The following BMP1 variants were observed in gnomAD, a reference collection of about 807,000 sequenced individuals.
BMP1 encodes the protein mammalian tolloid protein.
BMP1 carries 63 observed loss-of-function variants against 116.8 expected under a neutral mutation model. That is an observed-to-expected ratio of 0.54 (90% CI 0.44 to 0.67). The LOEUF (loss-of-function observed/expected upper bound fraction) is 0.67, where lower values mean the gene tolerates loss of function less well. Among genes scored for constraint, BMP1 ranks in the 30% least tolerant of loss-of-function variants. The pLI is 0.00. For synonymous variants in BMP1, 536 were observed against 533.4 expected (o/e 1.00, Z -0.07); for missense variants, 1,183 against 1,358.9 (o/e 0.87, Z 2.04).
At chr8:22,180,964 G>A (rs985154582) in intron 8 of BMP1, among the ~76,000 whole-genome samples, 9 of 152,182 alleles carry the variant, frequency 5.9e-5, no homozygotes, top group Non-Finnish European at 1.2e-4. Flanking sequence ...TCTCATCAGG[G>A]CTTGGGCCAG....
intron 6 of BMP1, 94 bp downstream of exon 6, chr8:22,178,051 T>C: frequency 2.8e-6 from 3 of 1,087,574 alleles, no homozygotes; most frequent in Non-Finnish European, 4.0e-6. Context: ...TCTGGGGCAG[T>C]GACCCAGGAA....
intron 8 of BMP1, among the ~76,000 whole-genome samples, chr8:22,183,309 G>A (rs750443081): frequency 2.0e-5 from 3 of 152,154 alleles, no homozygotes; most frequent in Non-Finnish European, 4.4e-5. Context: ...CCAGCTACTC[G>A]GGAGGCTGAG....
At chr8:22,199,376 G>T in intron 15 of BMP1, 2 of 1,293,202 alleles carry the variant, frequency 1.5e-6, no homozygotes, top group Non-Finnish European at 2.0e-6. Context: ...CGGGGCATTT[G>T]GGCACTGTAG....
chr8:22,204,086 A>T (rs1215506307), intron 16 of BMP1, among the ~76,000 whole-genome samples: 1 of 152,150 alleles, frequency 6.6e-6, no homozygotes, highest in Non-Finnish European at 1.5e-5. Context: ...TCTGTAGGGG[A>T]TTCAAGACAG....
At chr8:22,197,469 G>C (rs749510872) in intron 15 of BMP1, 49 bp downstream of exon 15, 67 of 1,559,470 alleles carry the variant, frequency 4.3e-5, no homozygotes, top group African/African-American at 6.7e-5. Context: ...TCGGAGAACA[G>C]GGCTCCCTTT....
At position 22,165,494 on chromosome 8, in the gene BMP1, A is replaced by C. The variant is rs1387788176; in HGVS notation, c.89A>C (p.Tyr30Ser). The change falls in exon 1 of 20, where the codon TAT (tyrosine) becomes TCT (serine). Residue 30 changes from tyrosine (Y) to serine (S), a missense_variant. Tyr to Ser is a moderately radical substitution (Grantham distance 144). Around this residue, in one of 4 missense-constraint regions of BMP1, gnomAD observed 185 missense variants for 158.9 expected, o/e 1.16. Coordinates refer to ENST00000306385, the MANE Select transcript of BMP1 (RefSeq NM_006129.5). ...GRPLDLADYT[Y>S]DLAEEDDSEP... Reference sequence around the variant, plus strand: ...CCGCTGGACTTGGCCGACTACACCTATGACCTGGCGGAGGAGGACGACTCG... The same window carrying C: ...CCGCTGGACTTGGCCGACTACACCTCTGACCTGGCGGAGGAGGACGACTCG... The C allele has an allele frequency of 1.9e-6, 3 of 1,594,624 alleles. No homozygotes were observed. Among genetic ancestry groups the C allele is most frequent in the Non-Finnish European group, 2.6e-6 (3 of 1,172,720 alleles).
At chr8:22,180,033 G>A (rs930962403) in intron 7 of BMP1, among the ~76,000 whole-genome samples, 2 of 152,086 alleles carry the variant, frequency 1.3e-5, no homozygotes, top group South Asian at 2.1e-4. Context: ...AAGCCGAGCC[G>A]CCACCTTCTG....
Position 22,165,531 on chromosome 8 carries a change from C to T in BMP1, c.126C>T (p.Asn42=), listed in dbSNP as rs1195767843. The T allele has an allele frequency of 1.3e-6, 2 of 1,590,930 alleles. No individual in the cohort carries two copies. The highest frequency in any genetic ancestry group is 1.7e-4 in the Middle Eastern group (1 of 5,986). Residue 42 remains asparagine, a synonymous_variant, in exon 1 of 20, where the codon AAC becomes AAT. Transcript: ENST00000306385. ...AGGAGGACGACTCGGAGCCCCTCAACTACAAAGACCCCTGCAAGGCGGGTG... is the reference window on the plus strand; with the variant it reads ...AGGAGGACGACTCGGAGCCCCTCAATTACAAAGACCCCTGCAAGGCGGGTG... ...LAEEDDSEPL[N]YKDPCKAAAF... is the part of the protein sequence containing the mutation.
rs1373087760 is a variant in BMP1 at position 22,194,837 on chromosome 8, G to A, written c.1557G>A (p.Lys519=). The change falls in exon 12 of 20, where the codon AAG becomes AAA. Residue 519 remains lysine, a synonymous_variant. Transcript: ENST00000306385. The surrounding 1 kb of genome is among the most constrained non-coding windows in gnomAD (Gnocchi z 4.5). ...YCGYEKPDDI[K]STSSRLWLKF... ...GCTATGAGAAGCCTGATGACATCAA[G>A]AGCACGTCCAGCCGCCTCTGGCTCA... is the stretch of plus-strand genomic sequence containing the variant. 5 of 1,612,736 alleles carry A rather than the reference G, an allele frequency of 3.1e-6. No individual in the cohort carries two copies. Among genetic ancestry groups the A allele is most frequent in the East Asian group, 2.2e-5 (1 of 44,810 alleles).
intron 3 of BMP1, 106 bp downstream of exon 3, chr8:22,176,419 C>A: frequency 6.5e-7 from 1 of 1,546,530 alleles, no homozygotes; most frequent in Non-Finnish European, 8.8e-7. Flanking sequence ...GCCCGAGTGC[C>A]CACACATTCC....
chr8:22,197,332 C>A lies in BMP1; in HGVS notation c.2019C>A (p.Val673=). The change falls in exon 15 of 20, where the codon GTC becomes GTA. Residue 673 remains valine, a synonymous_variant. Coordinates refer to ENST00000306385, the MANE Select transcript of BMP1 (RefSeq NM_006129.5). The stretch of plus-strand genomic sequence containing the variant: ...TCTGTGGTTCTGAGAAGCCCGAGGT[C>A]ATCACCTCCCAGTACAACAACATGC... ...GKFCGSEKPE[V]ITSQYNNMRV... is the part of the protein sequence containing the mutation. 6.2e-7 allele frequency: 1 copy of A among 1,614,086 alleles called. No individual in the cohort carries two copies. Among genetic ancestry groups the A allele is most frequent in the Non-Finnish European group, 8.5e-7 (1 of 1,179,952 alleles).
chr8:22,198,051 C>T (rs373758586), intron 15 of BMP1, among the ~76,000 whole-genome samples: 1 of 151,934 alleles, frequency 6.6e-6, no homozygotes, highest in African/African-American at 2.4e-5. Flanking sequence ...AGGGTGTAGT[C>T]GTGTGTGCCT....
intron 9 of BMP1, 138 bp downstream of exon 9, chr8:22,192,289 TC>T: frequency 4.4e-6 from 3 of 678,716 alleles, no homozygotes; most frequent in Non-Finnish European, 7.6e-6. Context: ...AGTCCTGGCA[TC>T]ATTAGTCCCA....
At position 22,165,493 on chromosome 8, in the gene BMP1, T is replaced by G. The variant is rs1828063006; in HGVS notation, c.88T>G (p.Tyr30Asp). ...GCCGCTGGACTTGGCCGACTACACC[T>G]ATGACCTGGCGGAGGAGGACGACTC... ...GRPLDLADYT[Y>D]DLAEEDDSEP... Residue 30 changes from tyrosine (Y) to aspartate (D), a missense_variant, in exon 1 of 20, where the codon TAT (tyrosine) becomes GAT (aspartate). This residue lies in a region of BMP1 where 185 missense variants were observed against 158.9 expected (regional missense o/e 1.16). Transcript: ENST00000306385. 1 of 1,595,434 alleles carries G rather than the reference T, an allele frequency of 6.3e-7. No homozygotes were observed. Among genetic ancestry groups the G allele is most frequent in the East Asian group, 2.4e-5 (1 of 42,174 alleles).
Position 22,209,096 on chromosome 8 carries a change from G to A in BMP1, c.2576-349G>A, listed in dbSNP as rs149301654. Among the ~76,000 whole-genome samples, 1,192 of 152,354 alleles carry A rather than the reference G, an allele frequency of 7.8e-3. 9 individuals are homozygous for A. Among genetic ancestry groups the A allele is most frequent in the Admixed American group, 0.013 (206 of 15,304 alleles). ...ATGTACGGCTTCTCTCTTGAAAATG[G>A]AAGCTGTGGCGACACTGGGCCCACA... On this transcript the variant is annotated intron_variant, in intron 18 of 19. Transcript: ENST00000306385.
rs76021885 is a variant in BMP1, at chr8:22,192,141, G to A, written c.1170G>A (p.Ala390=). 3 of 1,613,128 alleles carry A rather than the reference G, an allele frequency of 1.9e-6. No individual in the cohort carries two copies. Among genetic ancestry groups the A allele is most frequent in the Admixed American group, 1.7e-5 (1 of 59,992 alleles). Residue 390 remains alanine (A), a synonymous_variant, in exon 9 of 20, where the codon GCG becomes GCA. Coordinates refer to ENST00000306385, the MANE Select transcript of BMP1 (RefSeq NM_006129.5). Reference sequence around the variant, plus strand: ...TCCGAGATGGCTTCTGGAGGAAGGCGCCCCTCCGAGGTAACGGCACCAGCC... The same window carrying A: ...TCCGAGATGGCTTCTGGAGGAAGGCACCCCTCCGAGGTAACGGCACCAGCC... ...VEVRDGFWRK[A]PLRGRFCGSK... is the part of the protein sequence containing the mutation.
At chr8:22,195,701 C>T (rs2131885552) in intron 13 of BMP1, 114 bp downstream of exon 13, 1 of 1,439,942 alleles carries the variant, frequency 6.9e-7, no homozygotes, top group East Asian at 2.5e-5. Context: ...GCTGGAAGTA[C>T]AGTGGCTCAA....
In BMP1 at chr8:22,179,893, G is replaced by A; in HGVS notation, c.961+64G>A. 1 of 1,504,420 alleles carries A rather than the reference G, an allele frequency of 6.6e-7. No individual in the cohort carries two copies. The highest frequency in any genetic ancestry group is 9.0e-7 in the Non-Finnish European group (1 of 1,105,906). 93.2% of individuals were successfully genotyped at this position (1,504,420 alleles called of 1,614,324 possible). A position where few individuals can be genotyped will look rare whatever the true frequency, so the allele number is the denominator to read the frequency against. On this transcript the variant is annotated intron_variant, in intron 7 of 19. Transcript: ENST00000306385. This position sits in a 1 kb window ranked among gnomAD's most constrained non-coding sequence, Gnocchi z 4.6. ...AGGGCCTGAGGGAGGCAGAGGCCAG[G>A]TGCCTGGTGCCACCAAGAAGGCTTA... is the stretch of plus-strand genomic sequence containing the variant.
chr8:22,188,878 T>C (rs1362200501), intron 8 of BMP1, among the ~76,000 whole-genome samples: 1 of 152,164 alleles, frequency 6.6e-6, no homozygotes, highest in Non-Finnish European at 1.5e-5. Flanking sequence ...AAGCGGGCGC[T>C]TGTCCTCAGC....
Sources: allele counts gnomAD v4.1 joint callset (sites outside exome capture counted in the v4.1 genomes callset), GRCh38; gene constraint gnomAD v4.1.1; regional missense constraint gnomAD v4.1.1; non-coding constraint Gnocchi (gnomAD v3.1); transcripts MANE v1.5; gene names NCBI Gene and HGNC (gene_info 2026-07-23, HGNC 2026-07-21).